Variants in LRP1B observed in about 807,000 individuals in gnomAD.
LRP1B encodes the protein low-density lipoprotein receptor-related protein 1B.
LRP1B carries 217 observed loss-of-function variants against 556.6 expected under a neutral mutation model. The observed-to-expected ratio is 0.39, with a 90% CI of 0.35 to 0.44. The LOEUF (loss-of-function observed/expected upper bound fraction) is 0.44. LRP1B is among the 20% of genes least tolerant of loss of function. The pLI is 1.00. For missense variants in LRP1B, 5,053 were observed against 5,620.8 expected, an observed-to-expected ratio of 0.90 and a Z score of 3.23; for synonymous variants, 2,047 against 1,865.8, an observed-to-expected ratio of 1.10 and a Z score of -2.50.
At chr2:140,339,327 G>A (rs1681255302) in intron 77 of LRP1B, among the ~76,000 whole-genome samples, 1 of 151,684 alleles carries the variant, frequency 6.6e-6, no homozygotes, top group Non-Finnish European at 1.5e-5. Flanking sequence ...CATGTGACAG[G>A]GGAGTTCAAG....
At chr2:140,642,979 T>A (rs913775281) in intron 41 of LRP1B, among the ~76,000 whole-genome samples, 14 of 152,212 alleles carry the variant, frequency 9.2e-5, no homozygotes, top group Admixed American at 8.5e-4. Flanking sequence ...TTCTATTCTA[T>A]ATTCCATCTT....
intron 11 of LRP1B, among the ~76,000 whole-genome samples, chr2:141,039,655 T>C (rs1291025260): frequency 1.3e-5 from 2 of 152,058 alleles, no homozygotes; most frequent in African/African-American, 4.8e-5. Context: ...ATTTTGTGTT[T>C]GTCATTACGG....
chr2:140,650,827 T>A (rs893112916), intron 41 of LRP1B, among the ~76,000 whole-genome samples: 7 of 152,178 alleles, frequency 4.6e-5, no homozygotes, highest in African/African-American at 7.2e-5. Context: ...CTCCCAATAG[T>A]GAGAGAGATT....
intron 35 of LRP1B, among the ~76,000 whole-genome samples, chr2:140,717,726 A>G (rs1207671919): frequency 5.9e-5 from 9 of 152,132 alleles, no homozygotes; most frequent in Admixed American, 6.6e-5. Context: ...TTTAAGACCA[A>G]TAAAATTTCC....
chr2:141,582,990 C>T (rs532091916), intron 2 of LRP1B, among the ~76,000 whole-genome samples: 39 of 152,064 alleles, frequency 2.6e-4, no homozygotes, highest in Non-Finnish European at 4.6e-4. Context: ...CACCCGCCAC[C>T]ATGCCTGGCT....
chr2:141,512,207 C>T (rs752215343), intron 2 of LRP1B, among the ~76,000 whole-genome samples: 1 of 152,066 alleles, frequency 6.6e-6, no homozygotes, highest in Non-Finnish European at 1.5e-5. Context: ...TAAGCCTTCG[C>T]CATGTATTAT....
intron 2 of LRP1B, among the ~76,000 whole-genome samples, chr2:141,680,087 C>T (rs1691048803): frequency 6.6e-6 from 1 of 151,900 alleles, no homozygotes; most frequent in African/African-American, 2.4e-5. Context: ...ATTAGTTAAA[C>T]CTGGGGAGGG....
At chr2:140,788,143 T>C (rs1456810499) in intron 32 of LRP1B, among the ~76,000 whole-genome samples, 3 of 152,186 alleles carry the variant, frequency 2.0e-5, no homozygotes, top group African/African-American at 7.2e-5. Context: ...TAATTTAATA[T>C]GTAAATTATT....
At chr2:141,504,444 T>A (rs1020620562) in intron 2 of LRP1B, among the ~76,000 whole-genome samples, 1 of 152,142 alleles carries the variant, frequency 6.6e-6, no homozygotes. Flanking sequence ...AAAATGCCCA[T>A]ATGCTAATTG....
chr2:140,389,665 G>T (rs936281310), intron 66 of LRP1B, among the ~76,000 whole-genome samples: 1 of 146,860 alleles, frequency 6.8e-6, no homozygotes, highest in African/African-American at 2.5e-5. Context: ...TTATGGATTA[G>T]AAAACTGAAA....
intron 35 of LRP1B, among the ~76,000 whole-genome samples, chr2:140,742,578 A>G (rs1351845719): frequency 2.0e-5 from 3 of 152,060 alleles, no homozygotes; most frequent in Non-Finnish European, 4.4e-5. Context: ...GTACCATGAA[A>G]CAGAATTATA....
intron 1 of LRP1B, among the ~76,000 whole-genome samples, chr2:142,055,133 T>C (rs918500151): frequency 1.3e-5 from 2 of 151,996 alleles, no homozygotes; most frequent in African/African-American, 2.4e-5. Flanking sequence ...TTTTCTCCCA[T>C]TATGGAGCTA....
At chr2:141,145,904 TC>T (rs1701771074) in intron 7 of LRP1B, among the ~76,000 whole-genome samples, 2 of 146,306 alleles carry the variant, frequency 1.4e-5, no homozygotes, top group Non-Finnish European at 3.0e-5. Context: ...TTCACGTTTT[TC>T]TTTTCTTTCT....
chr2:141,583,906 A>ATTTTTTTTTTTTTTTTTTTTTTTTTTT (rs113916906), intron 2 of LRP1B, among the ~76,000 whole-genome samples: 2 of 145,482 alleles, frequency 1.4e-5, no homozygotes, highest in African/African-American at 5.1e-5. Flanking sequence ...TGCCCGGCTA[A>ATTTTTTTTTTTTTTTTTTTTTTTTTTT]TTTTTTTTTT....
At chr2:140,701,627 T>G in intron 40 of LRP1B, 94 bp downstream of exon 40, 1 of 1,262,062 alleles carries the variant, frequency 7.9e-7, no homozygotes, top group Non-Finnish European at 1.1e-6. Context: ...GGTTTTAGAC[T>G]TATAGAAGAA....
chr2:140,601,671 C>T (rs762853208), intron 41 of LRP1B, 32 bp from the exon 42 acceptor site: 3 of 1,463,434 alleles, frequency 2.0e-6, no homozygotes, highest in South Asian at 1.4e-5. Flanking sequence ...AAAATATATA[C>T]TTTTATTTAC....
intron 27 of LRP1B, among the ~76,000 whole-genome samples, chr2:140,862,349 T>C (rs1692825120): frequency 6.6e-6 from 1 of 152,186 alleles, no homozygotes; most frequent in Admixed American, 6.5e-5. Context: ...GAAATTAAGT[T>C]TTATTGGCAC....
At chr2:141,364,943 C>T (rs1688963128) in intron 3 of LRP1B, among the ~76,000 whole-genome samples, 1 of 152,154 alleles carries the variant, frequency 6.6e-6, no homozygotes. Context: ...GGGCCCACTA[C>T]AGAAAGAAAC....
chr2:140,772,608 C>T (rs1689353201), intron 33 of LRP1B, among the ~76,000 whole-genome samples: 1 of 152,036 alleles, frequency 6.6e-6, no homozygotes, highest in African/African-American at 2.4e-5. Flanking sequence ...TGCCCCCAGC[C>T]TAGATTTATA....
Sources: allele counts gnomAD v4.1 joint callset (sites outside exome capture counted in the v4.1 genomes callset), GRCh38; gene constraint gnomAD v4.1.1; transcripts MANE v1.5; gene names NCBI Gene and HGNC (gene_info 2026-07-23, HGNC 2026-07-21).